MYO1H: variants seen among roughly 807,000 people sequenced by gnomAD.
The protein encoded by MYO1H is myosin IH.
Under a neutral mutation model 149.3 loss-of-function variants are expected in MYO1H, and 118 were observed. The observed-to-expected ratio is 0.79, with a 90% CI of 0.68 to 0.92. MYO1H has a LOEUF of 0.92. Among genes scored for constraint, MYO1H ranks in the 40% least tolerant of loss-of-function variants. MYO1H has a pLI of 0.00. For synonymous variants in MYO1H, 447 were observed against 465.2 expected (o/e 0.96, Z 0.50); for missense variants, 1,212 against 1,280.7 (o/e 0.95, Z 0.82).
At chr12:109,425,816 G>C in intron 17 of MYO1H, 130 bp from the exon 18 acceptor site, 1 of 701,324 alleles carries the variant, frequency 1.4e-6, no homozygotes, top group East Asian at 2.7e-5. Flanking sequence ...ATGGCCACTA[G>C]GAAGACAATC....
intron 20 of MYO1H, 26 bp downstream of exon 20, chr12:109,433,036 G>T (rs1871708912): frequency 1.3e-6 from 2 of 1,580,320 alleles, no homozygotes; most frequent in East Asian, 4.5e-5. Context: ...ACCACCAAAT[G>T]GTCTCTTCCC....
At chr12:109,336,548 C>T in the MYO1H span, among the ~76,000 whole-genome samples, 1 of 152,182 alleles carries the variant, frequency 6.6e-6, no homozygotes, top group Non-Finnish European at 1.5e-5. Context: ...AGATTCTCTC[C>T]TTAAGGTGGT....
chr12:109,444,577 TTTA>T (rs752202246), intron 30 of MYO1H, 48 bp downstream of exon 30: 12 of 1,462,328 alleles, frequency 8.2e-6, no homozygotes, highest in Middle Eastern at 3.4e-4. Flanking sequence ...TGTTAAAATG[TTTA>T]TTAAGGCCGA....
chr12:109,409,040 C>T (rs1489211560), intron 10 of MYO1H, among the ~76,000 whole-genome samples: 1 of 152,080 alleles, frequency 6.6e-6, no homozygotes, highest in African/African-American at 2.4e-5. Flanking sequence ...ATCCGCCTGC[C>T]TCAGCCTCCC....
chr12:109,343,554 T>A (rs1355948715), upstream of MYO1H, among the ~76,000 whole-genome samples: 1 of 152,160 alleles, frequency 6.6e-6, no homozygotes, highest in African/African-American at 2.4e-5. Context: ...TACAGACACC[T>A]AGGTATTCCT....
chr12:109,410,761 C>G (rs766636855), exon 13 of MYO1H: 4 of 1,578,384 alleles, frequency 2.5e-6, no homozygotes, highest in Non-Finnish European at 3.5e-6. Context: ...GGAATCATAT[C>G]TATTCTGGTG....
intron 26 of MYO1H, 29 bp downstream of exon 26, chr12:109,441,737 G>C (rs1566044054): frequency 1.3e-6 from 2 of 1,531,146 alleles, no homozygotes; most frequent in Non-Finnish European, 1.8e-6. Flanking sequence ...CTATGTACTT[G>C]GCTTTCCAAT....
chr12:109,396,283 C>A, intron 3 of MYO1H, 101 bp from the exon 4 acceptor site: 2 of 949,586 alleles, frequency 2.1e-6, no homozygotes, highest in Non-Finnish European at 1.6e-6. Flanking sequence ...CTGGATGTGG[C>A]TTCCTGGAGA....
intron 31 of MYO1H, chr12:109,445,860 G>A: frequency 2.6e-5 from 26 of 985,386 alleles, no homozygotes; most frequent in Non-Finnish European, 3.1e-5. Context: ...GCTGACATGA[G>A]ACACTTCCCA....
rs750155686 is a variant in MYO1H, at chr12:109,388,850, G to A, written c.174+6G>A. 6 of 1,599,822 alleles carry A rather than the reference G, an allele frequency of 3.8e-6. No homozygotes were observed. The African/African-American group carries it at 4.0e-5, about 11-fold the overall frequency. On this transcript the variant is annotated splice_donor_region_variant and intron_variant, in intron 2 of 31. Transcript: ENST00000310903. ...TCAGCGAGAACCTCATATACGTAACGTGACCCACTTCTCAGCTGTTTTTCT... is the reference window on the plus strand; with the variant it reads ...TCAGCGAGAACCTCATATACGTAACATGACCCACTTCTCAGCTGTTTTTCT...
chr12:109,331,630 TC>T, the MYO1H span, among the ~76,000 whole-genome samples: 1 of 152,192 alleles, frequency 6.6e-6, no homozygotes, highest in Non-Finnish European at 1.5e-5. Flanking sequence ...CTTTGCTTCC[TC>T]AGGGACACTT....
At chr12:109,389,570 C>G (rs1249470652) in intron 2 of MYO1H, among the ~76,000 whole-genome samples, 1 of 151,630 alleles carries the variant, frequency 6.6e-6, no homozygotes, top group African/African-American at 2.4e-5. Context: ...GAGAATGCAG[C>G]ACTTACCAAA....
At chr12:109,396,500 A>C in exon 4 of MYO1H, 3 of 1,613,928 alleles carry the variant, frequency 1.9e-6, no homozygotes, top group Non-Finnish European at 2.5e-6. Flanking sequence ...AAAATTCTCG[A>C]GTATTTTGCA....
the MYO1H span, among the ~76,000 whole-genome samples, chr12:109,328,382 T>TG: frequency 9.2e-5 from 14 of 152,092 alleles, no homozygotes; most frequent in Non-Finnish European, 1.9e-4. Flanking sequence ...TTTTAAGAGA[T>TG]GGGGGTCTTG....
the MYO1H span, among the ~76,000 whole-genome samples, chr12:109,313,080 A>G: frequency 6.6e-6 from 1 of 152,086 alleles, no homozygotes; most frequent in Non-Finnish European, 1.5e-5. Flanking sequence ...TCTCTACAAA[A>G]AAAATAAACA....
intron 18 of MYO1H, among the ~76,000 whole-genome samples, 144 bp from the exon 19 acceptor site, chr12:109,427,316 CAAAAAAAAA>C (rs34644066): frequency 4.9e-5 from 5 of 101,236 alleles, no homozygotes; most frequent in African/African-American, 1.8e-4. Flanking sequence ...AACCCCATCT[CAAAAAAAAA>C]AAAAAAAAAA....
At chr12:109,338,502 T>C in the MYO1H span, among the ~76,000 whole-genome samples, 1 of 152,112 alleles carries the variant, frequency 6.6e-6, no homozygotes, top group East Asian at 1.9e-4. Flanking sequence ...GCATGGTGGC[T>C]CACACCTGTA....
At chr12:109,398,524 T>C (rs144693184) in intron 5 of MYO1H, among the ~76,000 whole-genome samples, 26 of 151,994 alleles carry the variant, frequency 1.7e-4, no homozygotes, top group African/African-American at 5.8e-4. Flanking sequence ...GGTGGGTGGA[T>C]TACCTGAGGT....
chr12:109,433,151 G>C (rs562880645), intron 20 of MYO1H, 141 bp downstream of exon 20: 8 of 691,660 alleles, frequency 1.2e-5, no homozygotes, highest in Non-Finnish European at 2.1e-5. Context: ...TCATCTACTC[G>C]ATGTAAATGC....
Sources: gnomAD v4.1 joint callset for allele counts (sites outside exome capture counted in the v4.1 genomes callset) on GRCh38, gnomAD v4.1.1 for gene constraint, MANE v1.5 for transcripts, NCBI Gene and HGNC (gene_info 2026-07-23, HGNC 2026-07-21) for gene names.